The following SLIT3 variants were observed in gnomAD, a reference collection of about 807,000 sequenced individuals.
SLIT3 encodes the protein slit homolog 3 protein.
In SLIT3, 68 loss-of-function variants were observed where a neutral mutation model predicts 184.0. That is an observed-to-expected ratio of 0.37 (90% CI 0.30 to 0.45). The LOEUF (loss-of-function observed/expected upper bound fraction) is 0.45. SLIT3 is among the 20% of genes least tolerant of loss of function. The pLI is 1.00. For synonymous variants in SLIT3, 831 were observed against 828.6 expected (o/e 1.00, Z -0.05); for missense variants, 1,707 against 2,026.0 (o/e 0.84, Z 3.02).
chr5:168,904,733 G>A (rs1322841058), intron 4 of SLIT3, among the ~76,000 whole-genome samples: 1 of 152,164 alleles, frequency 6.6e-6, no homozygotes, highest in Non-Finnish European at 1.5e-5. Context: ...CCCCAAACAA[G>A]AGGGATCAGG....
chr5:168,730,619 GAAC>G (rs1197698845), intron 20 of SLIT3, among the ~76,000 whole-genome samples: 2 of 151,536 alleles, frequency 1.3e-5, no homozygotes, highest in African/African-American at 4.8e-5. Flanking sequence ...GCGTGCTCTT[GAAC>G]AACCACTGGG....
chr5:168,707,775 C>G (rs1225746575), intron 26 of SLIT3: 1 of 572,396 alleles, frequency 1.7e-6, no homozygotes, highest in African/African-American at 1.9e-5. Context: ...ATATGGGGGC[C>G]TCTCTGACTG....
intron 28 of SLIT3, among the ~76,000 whole-genome samples, chr5:168,694,395 C>A (rs1179356043): frequency 6.6e-6 from 1 of 152,184 alleles, no homozygotes; most frequent in East Asian, 1.9e-4. Flanking sequence ...GACCAGAAGC[C>A]CTTGTGGGCT....
At chr5:169,139,049 C>T (rs189361349) in intron 4 of SLIT3, among the ~76,000 whole-genome samples, 2 of 152,314 alleles carry the variant, frequency 1.3e-5, no homozygotes, top group East Asian at 1.9e-4. Context: ...ACAGTTCCTT[C>T]CCTCACTTTT....
At chr5:169,002,524 T>C (rs1755755512) in intron 4 of SLIT3, among the ~76,000 whole-genome samples, 1 of 151,800 alleles carries the variant, frequency 6.6e-6, no homozygotes, top group Admixed American at 6.6e-5. Context: ...TTAGAGAGTG[T>C]GGACAGAATG....
intron 4 of SLIT3, among the ~76,000 whole-genome samples, chr5:168,903,782 T>G (rs1458465810): frequency 6.7e-6 from 1 of 150,158 alleles, no homozygotes; most frequent in Non-Finnish European, 1.5e-5. Context: ...CAGAGAATCA[T>G]GGCGGTCCCT....
At chr5:168,823,971 G>A (rs1276610347) in intron 6 of SLIT3, among the ~76,000 whole-genome samples, 2 of 152,068 alleles carry the variant, frequency 1.3e-5, no homozygotes, top group East Asian at 1.9e-4. Flanking sequence ...ATTTTGAGAC[G>A]GGGTTTCGCT....
At chr5:168,686,037 A>G in intron 30 of SLIT3, 110 bp from the exon 31 acceptor site, 1 of 1,264,186 alleles carries the variant, frequency 7.9e-7, no homozygotes, top group East Asian at 2.7e-5. Flanking sequence ...GAGATGGGAA[A>G]TGACACTAGT....
chr5:168,925,284 A>G (rs886556323), intron 4 of SLIT3, among the ~76,000 whole-genome samples: 2 of 152,172 alleles, frequency 1.3e-5, no homozygotes, highest in African/African-American at 4.8e-5. Context: ...GCATTGCAGA[A>G]CTGACGCACC....
intron 5 of SLIT3, among the ~76,000 whole-genome samples, chr5:168,878,442 T>C (rs1458517622): frequency 6.6e-6 from 1 of 152,208 alleles, no homozygotes; most frequent in Non-Finnish European, 1.5e-5. Flanking sequence ...AAAAGTTGCA[T>C]GCTTGCCTAC....
At chr5:168,986,090 C>T (rs972883017) in intron 4 of SLIT3, among the ~76,000 whole-genome samples, 3 of 152,306 alleles carry the variant, frequency 2.0e-5, no homozygotes, top group African/African-American at 7.2e-5. Context: ...ACTGAGTCTT[C>T]TCAAAAGGCA....
At chr5:168,822,264 T>C (rs1757558369) in intron 7 of SLIT3, among the ~76,000 whole-genome samples, 2 of 152,178 alleles carry the variant, frequency 1.3e-5, no homozygotes, top group South Asian at 4.1e-4. Flanking sequence ...TAACAATCAA[T>C]ATCATTTATT....
At chr5:169,203,640 C>A (rs755014656) in intron 3 of SLIT3, among the ~76,000 whole-genome samples, 2 of 152,190 alleles carry the variant, frequency 1.3e-5, no homozygotes, top group East Asian at 1.9e-4. Flanking sequence ...ATGCTCTTCC[C>A]TTCTCTGGGA....
At chr5:169,244,640 A>G in intron 3 of SLIT3, 65 bp downstream of exon 3, 6 of 1,476,900 alleles carry the variant, frequency 4.1e-6, no homozygotes, top group Non-Finnish European at 5.6e-6. Context: ...AAAACAAAAC[A>G]AAACAAAACA....
chr5:168,763,662 A>G (rs750288878), intron 14 of SLIT3, among the ~76,000 whole-genome samples: 5 of 152,152 alleles, frequency 3.3e-5, no homozygotes, highest in Non-Finnish European at 7.4e-5. Flanking sequence ...ATCACAAATG[A>G]TCCCTGGGCA....
chr5:169,117,932 C>T (rs990447802), intron 4 of SLIT3, among the ~76,000 whole-genome samples: 3 of 152,300 alleles, frequency 2.0e-5, no homozygotes, highest in East Asian at 1.9e-4. Flanking sequence ...AAAAGACGCT[C>T]TCATACAGGC....
intron 21 of SLIT3, among the ~76,000 whole-genome samples, 200 bp downstream of exon 21, chr5:168,724,216 T>G (rs1028647835): frequency 1.3e-5 from 2 of 152,164 alleles, no homozygotes; most frequent in Non-Finnish European, 2.9e-5. Flanking sequence ...TCTCCTACTT[T>G]CCCAAGGGTA....
chr5:168,982,800 G>A (rs972203449), intron 4 of SLIT3, among the ~76,000 whole-genome samples: 7 of 152,216 alleles, frequency 4.6e-5, no homozygotes, highest in East Asian at 1.9e-4. Context: ...GTGGTGCTTC[G>A]AAGGATCATC....
At chr5:169,135,997 TC>T (rs1312425442) in intron 4 of SLIT3, among the ~76,000 whole-genome samples, 1 of 152,118 alleles carries the variant, frequency 6.6e-6, no homozygotes, top group Non-Finnish European at 1.5e-5. Context: ...ATACACAAAC[TC>T]CTTTCTTTTC....
Sources: allele counts gnomAD v4.1 joint callset (sites outside exome capture counted in the v4.1 genomes callset), GRCh38; gene constraint gnomAD v4.1.1; transcripts MANE v1.5; gene names NCBI Gene and HGNC (gene_info 2026-07-23, HGNC 2026-07-21).